Variants in PTPRO observed in about 807,000 individuals in gnomAD.
PTPRO encodes the protein receptor-type tyrosine-protein phosphatase O.
Under a neutral mutation model 145.2 loss-of-function variants are expected in PTPRO, and 62 were observed. That is an observed-to-expected ratio of 0.43 (90% CI 0.35 to 0.53). PTPRO has a LOEUF of 0.53. PTPRO is among the 20% of genes least tolerant of loss of function. PTPRO has a pLI of 0.01. For synonymous variants in PTPRO, 565 were observed against 514.7 expected (o/e 1.10, Z -1.32); for missense variants, 1,345 against 1,482.7 (o/e 0.91, Z 1.53).
At chr12:15,554,697 G>A (rs1161986894) in intron 15 of PTPRO, among the ~76,000 whole-genome samples, 1 of 152,046 alleles carries the variant, frequency 6.6e-6, no homozygotes, top group Non-Finnish European at 1.5e-5. Flanking sequence ...TGGTTAGATT[G>A]TGCCCACCCA....
intron 1 of PTPRO, among the ~76,000 whole-genome samples, chr12:15,351,821 A>AT (rs1937811779): frequency 6.6e-6 from 1 of 152,088 alleles, no homozygotes; most frequent in African/African-American, 2.4e-5. Context: ...CACTCTAGAG[A>AT]TTTTCTCTGC....
At chr12:15,395,809 T>TCACACACACA (rs34553766) in intron 1 of PTPRO, among the ~76,000 whole-genome samples, 1 of 147,888 alleles carries the variant, frequency 6.8e-6, no homozygotes, top group Non-Finnish European at 1.5e-5. Flanking sequence ...CAATTAAAGA[T>TCACACACACA]CACACACACA....
At chr12:15,436,650 T>C (rs1281973980) in intron 1 of PTPRO, among the ~76,000 whole-genome samples, 1 of 152,206 alleles carries the variant, frequency 6.6e-6, no homozygotes, top group East Asian at 1.9e-4. Context: ...TGGCAGAAGT[T>C]TTCTCAGACC....
intron 1 of PTPRO, among the ~76,000 whole-genome samples, chr12:15,436,994 A>T (rs1389884603): frequency 6.6e-6 from 1 of 151,864 alleles, no homozygotes; most frequent in Non-Finnish European, 1.5e-5. Flanking sequence ...CTCCCCTGAG[A>T]TCGTGGTGCA....
chr12:15,491,663 T>G (rs1942001478), intron 2 of PTPRO, among the ~76,000 whole-genome samples: 1 of 152,200 alleles, frequency 6.6e-6, no homozygotes, highest in East Asian at 1.9e-4. Flanking sequence ...ATGCAGTCCA[T>G]TCTTCTTGTC....
chr12:15,562,283 C>T (rs1770830187), intron 17 of PTPRO, among the ~76,000 whole-genome samples: 1 of 152,166 alleles, frequency 6.6e-6, no homozygotes, highest in African/African-American at 2.4e-5. Context: ...TTTGCTTCAT[C>T]TAATAACTTG....
chr12:15,335,915 C>T (rs574005210), intron 1 of PTPRO, among the ~76,000 whole-genome samples: 1 of 152,232 alleles, frequency 6.6e-6, no homozygotes, highest in South Asian at 2.1e-4. Flanking sequence ...GAGAATCTTT[C>T]CATTGAAATT....
At chr12:15,403,092 T>C (rs1441663420) in intron 1 of PTPRO, among the ~76,000 whole-genome samples, 1 of 152,210 alleles carries the variant, frequency 6.6e-6, no homozygotes, top group African/African-American at 2.4e-5. Context: ...TATATCTGAT[T>C]TGACTTCACT....
intron 19 of PTPRO, among the ~76,000 whole-genome samples, chr12:15,572,801 A>G (rs1165817405): frequency 1.3e-5 from 2 of 152,034 alleles, no homozygotes; most frequent in South Asian, 4.1e-4. Flanking sequence ...TCTCAACTGG[A>G]CAAGTACCAG....
intron 1 of PTPRO, among the ~76,000 whole-genome samples, chr12:15,445,917 G>A (rs530322102): frequency 3.5e-4 from 53 of 152,184 alleles, no homozygotes; most frequent in African/African-American, 1.1e-3. Flanking sequence ...AAACATATTA[G>A]CAAAATCTAA....
intron 18 of PTPRO, 145 bp downstream of exon 18, chr12:15,565,773 T>C (rs911387770): frequency 3.3e-6 from 2 of 603,552 alleles, no homozygotes; most frequent in East Asian, 2.8e-5. Flanking sequence ...AATAATGTAC[T>C]GGTTGTTTAT....
intron 1 of PTPRO, among the ~76,000 whole-genome samples, chr12:15,366,824 A>T (rs973817197): frequency 6.6e-6 from 1 of 152,212 alleles, no homozygotes; most frequent in Non-Finnish European, 1.5e-5. Flanking sequence ...TCAAATCTAC[A>T]TCAGGTATAA....
chr12:15,583,928 C>A (rs1315994247), intron 23 of PTPRO, among the ~76,000 whole-genome samples: 1 of 152,172 alleles, frequency 6.6e-6, no homozygotes, highest in African/African-American at 2.4e-5. Context: ...CTCTAACAGG[C>A]TGTGTTTCGT....
chr12:15,413,747 G>T lies in PTPRO; in HGVS notation c.76-70227G>T, dbSNP rs1045383214. ...GGAGAATTACTTGAGCCTGAGAGGCGGAGGTTGCAGCGAGCCAAGATCGTG... is the reference window on the plus strand; with the variant it reads ...GGAGAATTACTTGAGCCTGAGAGGCTGAGGTTGCAGCGAGCCAAGATCGTG... On this transcript the variant is annotated intron_variant, in intron 1 of 26. Transcript: ENST00000281171. 4.6e-5 allele frequency among the ~76,000 whole-genome samples: 7 copies of T among 152,062 alleles called. No individual in the cohort carries two copies. The East Asian group carries it at 9.6e-4, about 21-fold the overall frequency.
chr12:15,349,830 T>C (rs1937737030), intron 1 of PTPRO, among the ~76,000 whole-genome samples: 1 of 152,194 alleles, frequency 6.6e-6, no homozygotes, highest in African/African-American at 2.4e-5. Context: ...AAGCTTATTA[T>C]TGATTACACG....
chr12:15,476,133 G>C lies in PTPRO; in HGVS notation c.76-7841G>C, dbSNP rs190765856. ...AGACCTCGGGTGCTCTAGTTGATTGGGGTCTAATTTGTTGTTGCTGTGGTG... is the reference window on the plus strand; with the variant it reads ...AGACCTCGGGTGCTCTAGTTGATTGCGGTCTAATTTGTTGTTGCTGTGGTG... On this transcript the variant is annotated intron_variant, in intron 1 of 26. Coordinates refer to ENST00000281171, the MANE Select transcript of PTPRO (RefSeq NM_030667.3). 3.0e-4 allele frequency among the ~76,000 whole-genome samples: 45 copies of C among 152,250 alleles called. No individual in the cohort carries two copies. In the East Asian group the frequency reaches 7.7e-3, roughly 26 times the overall value.
At chr12:15,560,040 A>G (rs2135583903) in intron 16 of PTPRO, among the ~76,000 whole-genome samples, 153 bp from the exon 17 acceptor site, 1 of 152,298 alleles carries the variant, frequency 6.6e-6, no homozygotes, top group South Asian at 2.1e-4. Context: ...GCACATTTAT[A>G]TTTCACAGAA....
At position 15,580,688 on chromosome 12, in the gene PTPRO, A is replaced by G. The variant is rs532811854; in HGVS notation, c.2998-9A>G. ...TGGTTAGGTGATAATTTTGTCACTT[A>G]TCTTTCAGGGATACAACTCACCCCA... On this transcript the variant is annotated splice_polypyrimidine_tract_variant and intron_variant, in intron 21 of 26. Coordinates refer to ENST00000281171, the MANE Select transcript of PTPRO (RefSeq NM_030667.3). The G allele has an allele frequency of 6.2e-7, 1 of 1,614,074 alleles. No individual in the cohort carries two copies. Among genetic ancestry groups the G allele is most frequent in the Non-Finnish European group, 8.5e-7 (1 of 1,179,974 alleles).
rs975688225 is a variant in PTPRO, at chr12:15,433,030, C to T, written c.76-50944C>T. ...TTATTGTTTTTGCTGTGCAGACACT[C>T]TTTAGTTTAATTAGATCCCAATTGT... On this transcript the variant is annotated intron_variant, in intron 1 of 26. Coordinates refer to ENST00000281171, the MANE Select transcript of PTPRO (RefSeq NM_030667.3). Among the ~76,000 whole-genome samples the T allele has an allele frequency of 2.6e-5, 4 of 152,004 alleles. No homozygotes were observed. In the South Asian group the frequency reaches 8.3e-4, roughly 32 times the overall value.
Sources: allele counts gnomAD v4.1 joint callset (sites outside exome capture counted in the v4.1 genomes callset), GRCh38; gene constraint gnomAD v4.1.1; transcripts MANE v1.5; gene names NCBI Gene and HGNC (gene_info 2026-07-23, HGNC 2026-07-21).